PPP1R12B: variants seen among roughly 807,000 people sequenced by gnomAD.
The protein encoded by PPP1R12B is myosin phosphatase target subunit 2.
PPP1R12B carries 76 observed loss-of-function variants against 126.1 expected under a neutral mutation model. The ratio of observed to expected loss-of-function variants is 0.60; its 90% confidence interval spans 0.50 to 0.73. The LOEUF is 0.73. Among genes scored for constraint, PPP1R12B ranks in the 30% least tolerant of loss-of-function variants. The pLI is 0.00. For synonymous variants in PPP1R12B, 356 were observed against 434.7 expected (o/e 0.82, Z 2.25); for missense variants, 1,052 against 1,205.1 (o/e 0.87, Z 1.88).
At chr1:202,445,005 G>A (rs1672066552) in intron 12 of PPP1R12B, 1 of 1,243,598 alleles carries the variant, frequency 8.0e-7, no homozygotes. Flanking sequence ...TGGTGGGTGA[G>A]CAGCATGTCC....
At chr1:202,493,490 C>T (rs962077811) in intron 15 of PPP1R12B, among the ~76,000 whole-genome samples, 173 bp downstream of exon 15, 2 of 152,110 alleles carry the variant, frequency 1.3e-5, no homozygotes, top group African/African-American at 2.4e-5. Context: ...GGATGTTGGT[C>T]CTTAAATGAC....
intron 23 of PPP1R12B, chr1:202,577,283 C>T (rs369329940): frequency 7.2e-5 from 11 of 152,106 alleles, no homozygotes; most frequent in African/African-American, 1.2e-4. Flanking sequence ...TAATATTTTA[C>T]GACATATGAA....
chr1:202,416,195 G>A (rs1668033626), intron 1 of PPP1R12B, among the ~76,000 whole-genome samples: 1 of 151,948 alleles, frequency 6.6e-6, no homozygotes, highest in Non-Finnish European at 1.5e-5. Context: ...TTTAGAAATC[G>A]CTTTCACAAT....
rs958039270 is a variant in PPP1R12B at position 202,348,744 on chromosome 1, G to A, written c.-108G>A. On this transcript the variant is annotated 5_prime_UTR_variant, in exon 1 of 24. Coordinates refer to ENST00000608999, the MANE Select transcript of PPP1R12B (RefSeq NM_002481.4). ...TAAAGATGGCGGCGCGAGGGTCTCC[G>A]CCCTCTGCTCCGGGCTGAAGCGCTC... 6 of 1,378,382 alleles carry A rather than the reference G, an allele frequency of 4.4e-6. No individual in the cohort carries two copies. The South Asian group carries it at 4.5e-5, about 10-fold the overall frequency. 85.4% of individuals were successfully genotyped at this position (1,378,382 alleles called of 1,614,324 possible).
intron 4 of PPP1R12B, among the ~76,000 whole-genome samples, chr1:202,426,585 A>G (rs1327169226): frequency 6.6e-6 from 1 of 152,152 alleles, no homozygotes; most frequent in African/African-American, 2.4e-5. Flanking sequence ...TCTTCATTTT[A>G]TTTTATTTTT....
At chr1:202,384,551 G>T (rs1197601875) in intron 1 of PPP1R12B, among the ~76,000 whole-genome samples, 1 of 152,188 alleles carries the variant, frequency 6.6e-6, no homozygotes, top group African/African-American at 2.4e-5. Context: ...GGGCTTGGGG[G>T]AAGGGGTGAG....
chr1:202,453,294 G>A (rs1443239771), intron 13 of PPP1R12B, among the ~76,000 whole-genome samples: 3 of 152,072 alleles, frequency 2.0e-5, no homozygotes, highest in Non-Finnish European at 4.4e-5. Context: ...ATTGACTTGT[G>A]TATCTTTGAA....
intron 1 of PPP1R12B, among the ~76,000 whole-genome samples, chr1:202,368,476 C>T (rs1323488388): frequency 6.6e-6 from 1 of 152,076 alleles, no homozygotes; most frequent in African/African-American, 2.4e-5. Context: ...ATAAACTAGT[C>T]AGCCTCAGGT....
chr1:202,477,964 G>A lies in PPP1R12B; in HGVS notation c.1851-10569G>A, dbSNP rs553351432. 1.6e-4 allele frequency among the ~76,000 whole-genome samples: 24 copies of A among 152,236 alleles called. No individual in the cohort carries two copies. The East Asian group carries it at 1.9e-3, about 12-fold the overall frequency. ...TGTGAGTGTTAGCCTGGTTTTTTCC[G>A]GATGCCAGAAGGCGAGGGGATAGAT... is the stretch of plus-strand genomic sequence containing the variant. On this transcript the variant is annotated intron_variant, in intron 13 of 23. Transcript: ENST00000608999.
At chr1:202,458,345 G>A (rs1379630161) in intron 13 of PPP1R12B, among the ~76,000 whole-genome samples, 1 of 108,346 alleles carries the variant, frequency 9.2e-6, no homozygotes, top group African/African-American at 2.9e-5. Context: ...GGGAGAGTGG[G>A]ACGTGGGAGT....
rs1371019391 is a variant in PPP1R12B at position 202,438,019 on chromosome 1, G to A, written c.1453G>A (p.Asp485Asn). The A allele has an allele frequency of 1.2e-6, 2 of 1,613,896 alleles. No homozygotes were observed. Among genetic ancestry groups the A allele is most frequent in the Non-Finnish European group, 1.7e-6 (2 of 1,179,912 alleles). Reference sequence around the variant, plus strand: ...GATTTCTGCTCTACTGGACAACAAAGATAAGGTGCAGTTTGGGAGGGTATG... The same window carrying A: ...GATTTCTGCTCTACTGGACAACAAAAATAAGGTGCAGTTTGGGAGGGTATG... The part of the protein sequence containing the change: ...PRISALLDNK[D>N]KERENKSYIS... Residue 485 changes from aspartate to asparagine, a missense_variant, in exon 10 of 24, where the codon GAT becomes AAT. By Grantham distance (23) the Asp-to-Asn change is conservative. Transcript: ENST00000608999.
chr1:202,530,955 T>C (rs1683871860), intron 18 of PPP1R12B, among the ~76,000 whole-genome samples: 1 of 152,226 alleles, frequency 6.6e-6, no homozygotes, highest in Non-Finnish European at 1.5e-5. Context: ...TACTCTAAAA[T>C]GATTCATTTT....
chr1:202,450,276 T>G (rs748452041), intron 13 of PPP1R12B, among the ~76,000 whole-genome samples: 25 of 152,332 alleles, frequency 1.6e-4, no homozygotes, highest in Non-Finnish European at 3.5e-4. Flanking sequence ...GACTAGATAT[T>G]CTGTAATTTC....
chr1:202,423,231 CTTATT>C (rs1669047109), intron 3 of PPP1R12B, among the ~76,000 whole-genome samples: 2 of 152,066 alleles, frequency 1.3e-5, no homozygotes, highest in African/African-American at 2.4e-5. Flanking sequence ...AATGCTTATT[CTTATT>C]TTATAGTTTT....
chr1:202,382,345 T>C lies in PPP1R12B; in HGVS notation c.291+33203T>C, dbSNP rs1662435450. 2.6e-5 allele frequency among the ~76,000 whole-genome samples: 4 copies of C among 151,364 alleles called. No homozygotes were observed. The South Asian group carries it at 8.3e-4, about 31-fold the overall frequency. ...GGAAATGATGAGTTAATGGGTGCAG[T>C]ACGCCAACATGGCACATGTATACAT... On this transcript the variant is annotated intron_variant, in intron 1 of 23. Coordinates refer to ENST00000608999, the MANE Select transcript of PPP1R12B (RefSeq NM_002481.4).
chr1:202,369,971 T>C (rs758273235), intron 1 of PPP1R12B: 45 of 156,062 alleles, frequency 2.9e-4, no homozygotes, highest in Non-Finnish European at 5.9e-4. Flanking sequence ...AATTTTTGTA[T>C]TTTTTATCAA....
chr1:202,421,705 A>G (rs1016748534), intron 2 of PPP1R12B, among the ~76,000 whole-genome samples: 2 of 151,938 alleles, frequency 1.3e-5, no homozygotes, highest in African/African-American at 4.8e-5. Flanking sequence ...TGTTTATTGA[A>G]TTGTTGAATG....
chr1:202,510,086 T>A (rs1361783447), intron 18 of PPP1R12B, among the ~76,000 whole-genome samples: 2 of 152,198 alleles, frequency 1.3e-5, no homozygotes, highest in Non-Finnish European at 2.9e-5. Flanking sequence ...ATATATGACA[T>A]GTTGTATGAG....
At chr1:202,558,137 TAA>T (rs760052139) in intron 18 of PPP1R12B, among the ~76,000 whole-genome samples, 2 of 142,170 alleles carry the variant, frequency 1.4e-5, no homozygotes, top group Non-Finnish European at 1.5e-5. Context: ...CAGAGTTCTT[TAA>T]AAAAAAAAAA....
Sources: allele counts gnomAD v4.1 joint callset (sites outside exome capture counted in the v4.1 genomes callset), GRCh38; gene constraint gnomAD v4.1.1; transcripts MANE v1.5; gene names NCBI Gene and HGNC (gene_info 2026-07-23, HGNC 2026-07-21).